Variants in TRPA1 observed in about 807,000 individuals in gnomAD.
TRPA1 encodes the protein transient receptor potential cation channel subfamily A member 1, also known as ankyrin-like with transmembrane domains 1.
Under a neutral mutation model 131.3 loss-of-function variants are expected in TRPA1, and 129 were observed. The ratio of observed to expected loss-of-function variants is 0.98; its 90% CI spans 0.85 to 1.14. The LOEUF (loss-of-function observed/expected upper bound fraction) is 1.14. TRPA1 is among the 50% of genes most tolerant of loss of function. The pLI is 0.00. For missense variants in TRPA1, 1,304 were observed against 1,354.2 expected, an observed-to-expected ratio of 0.96 and a Z score of 0.58; for synonymous variants, 441 against 451.7, an observed-to-expected ratio of 0.98 and a Z score of 0.30.
chr8:72,057,919 AT>A, intron 8 of TRPA1, 103 bp from the exon 9 acceptor site: 1 of 875,676 alleles, frequency 1.1e-6, no homozygotes, highest in Non-Finnish European at 1.9e-6. Flanking sequence ...GAGTGTCTAT[AT>A]TATGGCTAGC....
intron 15 of TRPA1, 151 bp downstream of exon 15, chr8:72,050,627 C>T (rs1024304848): frequency 4.9e-6 from 3 of 617,812 alleles, no homozygotes; most frequent in Admixed American, 2.8e-5. Flanking sequence ...TCCAAGAAGG[C>T]CTTCCTTAAA....
intron 23 of TRPA1, among the ~76,000 whole-genome samples, chr8:72,033,043 G>A (rs916001046): frequency 2.0e-5 from 3 of 152,206 alleles, no homozygotes; most frequent in African/African-American, 7.2e-5. Flanking sequence ...CATGTGGAAG[G>A]GCACTCTAAT....
At chr8:72,035,582 T>G (rs1041531119) in intron 21 of TRPA1, among the ~76,000 whole-genome samples, 7 of 152,164 alleles carry the variant, frequency 4.6e-5, no homozygotes, top group Non-Finnish European at 8.8e-5. Flanking sequence ...GGAAAGATTA[T>G]GTGAAATAAC....
the TRPA1 span, among the ~76,000 whole-genome samples, chr8:72,083,720 G>T: frequency 2.0e-5 from 3 of 152,102 alleles, no homozygotes; most frequent in African/African-American, 4.8e-5. Flanking sequence ...TCCAGCAGGG[G>T]TGACAGAGCG....
chr8:72,055,874 A>G lies in TRPA1; in HGVS notation c.1195-19T>C, dbSNP rs768761667. ...GTTGCATCTATAGGAAAAAATTAAT[A>G]TCATACAAATAACTCTGCTATTATG... On this transcript the variant is annotated intron_variant, in intron 10 of 26. Transcript: ENST00000262209. The G allele has an allele frequency of 1.9e-6, 3 of 1,611,420 alleles. No individual in the cohort carries two copies. In the South Asian group the frequency reaches 3.3e-5, roughly 18 times the overall value.
At chr8:72,043,292 ATAAT>A (rs1812319412) in intron 17 of TRPA1, among the ~76,000 whole-genome samples, 1 of 151,844 alleles carries the variant, frequency 6.6e-6, no homozygotes, top group South Asian at 2.1e-4. Context: ...AGAAAAAGGG[ATAAT>A]TATTTTGTAT....
At chr8:72,078,222 A>G (rs1225389968), upstream of TRPA1, among the ~76,000 whole-genome samples, 2 of 152,120 alleles carry the variant, frequency 1.3e-5, no homozygotes, top group African/African-American at 4.8e-5. Context: ...GGGGCCCAAT[A>G]TACATGCTAA....
At chr8:72,073,632 C>T (rs2129436928) in intron 1 of TRPA1, among the ~76,000 whole-genome samples, 1 of 152,302 alleles carries the variant, frequency 6.6e-6, no homozygotes, top group East Asian at 1.9e-4. Context: ...GCTTAAAAAA[C>T]ATAAGTTGCT....
At chr8:72,032,913 G>A (rs1811886233) in intron 23 of TRPA1, among the ~76,000 whole-genome samples, 1 of 152,184 alleles carries the variant, frequency 6.6e-6, no homozygotes, top group African/African-American at 2.4e-5. Context: ...TGCATAAATG[G>A]ATAAAGGAAA....
intron 17 of TRPA1, among the ~76,000 whole-genome samples, chr8:72,044,899 A>T (rs911407732): frequency 2.0e-5 from 3 of 151,988 alleles, no homozygotes; most frequent in African/African-American, 7.2e-5. Context: ...TTTAAATTAT[A>T]CTTTGCCCAT....
At chr8:72,056,861 A>G in intron 10 of TRPA1, 56 bp downstream of exon 10, 1 of 1,151,492 alleles carries the variant, frequency 8.7e-7, no homozygotes, top group Non-Finnish European at 1.3e-6. Context: ...AAACAAAATT[A>G]GTTTATTTTC....
At chr8:72,024,465 C>T (rs1811511412) in intron 25 of TRPA1, among the ~76,000 whole-genome samples, 1 of 152,064 alleles carries the variant, frequency 6.6e-6, no homozygotes, top group Admixed American at 6.6e-5. Context: ...TGGTGACTTG[C>T]ACAGGCCATC....
At chr8:72,049,855 C>T (rs1028771440) in intron 15 of TRPA1, among the ~76,000 whole-genome samples, 5 of 152,090 alleles carry the variant, frequency 3.3e-5, no homozygotes, top group Admixed American at 2.6e-4. Context: ...ATAAGGAAAG[C>T]AATTGCATAA....
chr8:72,025,005 T>C (rs1437493003), intron 25 of TRPA1, among the ~76,000 whole-genome samples: 4 of 152,154 alleles, frequency 2.6e-5, no homozygotes, highest in African/African-American at 9.7e-5. Context: ...TTATTCTGGC[T>C]CTTCATATGG....
At chr8:72,076,177 G>A (rs117878783), upstream of TRPA1, among the ~76,000 whole-genome samples, 3,018 of 152,138 alleles carry the variant, frequency 0.02, 54 homozygotes, top group Non-Finnish European at 0.031. Flanking sequence ...CATTTCCTGT[G>A]GATAATAACA....
chr8:72,084,505 G>A, the TRPA1 span, among the ~76,000 whole-genome samples: 1 of 151,424 alleles, frequency 6.6e-6, no homozygotes, highest in African/African-American at 2.4e-5. Context: ...CTTATGAAAT[G>A]TTTTCTGCTT....
rs770483851 is a variant in TRPA1, at chr8:72,046,573, T to C, written c.2001A>G (p.Leu667=). The part of the protein sequence containing the change: ...EYNFKYLQCP[L]EFTKKTPTQD... ...GTGTAGGTGTTTTTTTGGTGAATTC[T>C]AATGGACATTGAAGATATTTGAAAT... The change falls in exon 17 of 27, where the codon TTA becomes TTG. Residue 667 remains leucine (L), a synonymous_variant. Transcript: ENST00000262209. The C allele has an allele frequency of 1.2e-5, 19 of 1,598,044 alleles. No individual in the cohort carries two copies. In the East Asian group the frequency reaches 3.6e-4, roughly 30 times the overall value.
At chr8:72,046,722 G>T in intron 16 of TRPA1, 114 bp from the exon 17 acceptor site, 1 of 621,058 alleles carries the variant, frequency 1.6e-6, no homozygotes, top group Non-Finnish European at 2.8e-6. Context: ...TGAAAATTAA[G>T]TGATTTGAAC....
At chr8:72,053,242 T>C (rs1215285047) in intron 13 of TRPA1, 1 of 207,312 alleles carries the variant, frequency 4.8e-6, no homozygotes, top group Non-Finnish European at 9.5e-6. Flanking sequence ...GAGACTGTTA[T>C]AAGTTTGCCC....
Sources: gnomAD v4.1 joint callset for allele counts (sites outside exome capture counted in the v4.1 genomes callset) on GRCh38, gnomAD v4.1.1 for gene constraint, MANE v1.5 for transcripts, NCBI Gene and HGNC (gene_info 2026-07-23, HGNC 2026-07-21) for gene names.